PCDHGB5: variants seen among roughly 807,000 people sequenced by gnomAD.
The protein encoded by PCDHGB5 is protocadherin gamma subfamily B, 5, also known as protocadherin gamma-B5.
PCDHGB5 carries 48 observed loss-of-function variants against 62.9 expected under a neutral mutation model. The observed-to-expected ratio is 0.76, with a 90% CI of 0.61 to 0.97. The LOEUF (loss-of-function observed/expected upper bound fraction) is 0.97, where lower values mean the gene tolerates loss of function less well. Ranked by LOEUF, PCDHGB5 falls within the 50% of genes least tolerant of loss-of-function variation. The pLI is 0.00. For synonymous variants in PCDHGB5, 474 were observed against 511.2 expected, an observed-to-expected ratio of 0.93 and a Z score of 0.98; for missense variants, 1,118 against 1,198.6, an observed-to-expected ratio of 0.93 and a Z score of 0.99.
chr5:141,491,714 C>T lies in PCDHGB5; in HGVS notation c.2398-3093C>T, dbSNP rs1321811999. 2 of 1,608,744 alleles carry T rather than the reference C, an allele frequency of 1.2e-6. No individual in the cohort carries two copies. Among genetic ancestry groups the T allele is most frequent in the Non-Finnish European group, 1.7e-6 (2 of 1,177,916 alleles). The stretch of plus-strand genomic sequence containing the variant: ...GAGCGGAGCCAGGTGAGGGGCTCGG[C>T]GCCGCCCCGGGCGACCCCTGGGGGC... On this transcript the variant is annotated intron_variant, in intron 1 of 3. Coordinates refer to ENST00000617380, the MANE Select transcript of PCDHGB5 (RefSeq NM_018925.3). The surrounding 1 kb of genome is among the most constrained non-coding windows in gnomAD (Gnocchi z 6.9).
At chr5:141,441,831 C>T in intron 1 of PCDHGB5, 3 of 352,742 alleles carry the variant, frequency 8.5e-6, no homozygotes, top group South Asian at 7.2e-5. Context: ...AGCGCAATGG[C>T]TTCGCGCTCT....
rs765743251 is a variant in PCDHGB5 at position 141,476,488 on chromosome 5, G to A, written c.2398-18319G>A. ...TGGAGCTGTTCAGCGTGGAAGTGGTGATCCAGGACATCAACGACAACAATC... is the reference window on the plus strand; with the variant it reads ...TGGAGCTGTTCAGCGTGGAAGTGGTAATCCAGGACATCAACGACAACAATC... On this transcript the variant is annotated intron_variant, in intron 1 of 3. Coordinates refer to ENST00000617380, the MANE Select transcript of PCDHGB5 (RefSeq NM_018925.3). This position sits in a 1 kb window ranked among gnomAD's most constrained non-coding sequence, Gnocchi z 7.6. 4 of 1,613,932 alleles carry A rather than the reference G, an allele frequency of 2.5e-6. No homozygotes were observed. Among genetic ancestry groups the A allele is most frequent in the Non-Finnish European group, 3.4e-6 (4 of 1,180,016 alleles).
chr5:141,427,481 C>G, intron 1 of PCDHGB5: 2 of 534,060 alleles, frequency 3.7e-6, no homozygotes, highest in Non-Finnish European at 7.2e-6. Flanking sequence ...CCAATAATGA[C>G]TATAAGCTTG....
rs998564450 is a variant in PCDHGB5 at position 141,401,627 on chromosome 5, G to T, written c.2397+1103G>T. The stretch of plus-strand genomic sequence containing the variant: ...AAAAAGACACCGGATTTGTCTTATC[G>T]TTTGGAGCTTTAAATATAAATGACT... On this transcript the variant is annotated intron_variant, in intron 1 of 3. Coordinates refer to ENST00000617380, the MANE Select transcript of PCDHGB5 (RefSeq NM_018925.3). Among the ~76,000 whole-genome samples the T allele has an allele frequency of 2.6e-5, 4 of 152,294 alleles. No homozygotes were observed. In the South Asian group the frequency reaches 8.3e-4, roughly 32 times the overall value.
At chr5:141,423,750 T>TGGGG (rs144521096) in intron 1 of PCDHGB5, 28 of 288,222 alleles carry the variant, frequency 9.7e-5, no homozygotes, top group Non-Finnish European at 1.2e-4. Flanking sequence ...GAAAACTGTT[T>TGGGG]GGGGGGGGGG....
At chr5:141,440,912 G>A (rs1281398967) in intron 1 of PCDHGB5, 1 of 152,254 alleles carries the variant, frequency 6.6e-6, no homozygotes, top group African/African-American at 2.4e-5. Context: ...GGGCACTCCT[G>A]TGCTGAGAGT....
rs761126985 is a variant in PCDHGB5 at position 141,431,245 on chromosome 5, C to G, written c.2397+30721C>G. ...TACCCCACGCCTGGGATCCGGATAT[C>G]GGGAAGAACTCTCTGCAGAGCTACG... is the stretch of plus-strand genomic sequence containing the variant. On this transcript the variant is annotated intron_variant, in intron 1 of 3. Transcript: ENST00000617380. This position sits in a 1 kb window ranked among gnomAD's most constrained non-coding sequence, Gnocchi z 4.8. 1.2e-6 allele frequency: 2 copies of G among 1,614,016 alleles called. No homozygotes were observed. Among genetic ancestry groups the G allele is most frequent in the Non-Finnish European group, 1.7e-6 (2 of 1,180,046 alleles).
intron 2 of PCDHGB5, among the ~76,000 whole-genome samples, chr5:141,504,008 C>G (rs2099835164): frequency 6.6e-6 from 1 of 152,208 alleles, no homozygotes; most frequent in South Asian, 2.1e-4. Flanking sequence ...ACTTAACTGT[C>G]TCTGCTGGTC....
At chr5:141,405,186 G>T (rs762537440) in intron 1 of PCDHGB5, 2 of 1,612,892 alleles carry the variant, frequency 1.2e-6, no homozygotes, top group Non-Finnish European at 1.7e-6. Context: ...GGTGTAGATG[G>T]GGTTCGAGCT....
chr5:141,480,273 G>A (rs2099516030), intron 1 of PCDHGB5, among the ~76,000 whole-genome samples: 1 of 151,956 alleles, frequency 6.6e-6, no homozygotes, highest in Non-Finnish European at 1.5e-5. Flanking sequence ...TCATTAGCTG[G>A]GTGTGTTGGC....
At chr5:141,423,722 GT>G in intron 1 of PCDHGB5, 1 of 954,176 alleles carries the variant, frequency 1.0e-6, no homozygotes, top group Admixed American at 5.1e-5. Flanking sequence ...TTAAGGAGAT[GT>G]TTTTTGAGCC....
At chr5:141,403,551 T>G in intron 1 of PCDHGB5, 1 of 1,613,986 alleles carries the variant, frequency 6.2e-7, no homozygotes, top group Non-Finnish European at 8.5e-7. Context: ...GAGCGCGCCC[T>G]GGACAGGGAG....
intron 1 of PCDHGB5, among the ~76,000 whole-genome samples, chr5:141,453,076 G>A (rs2098755408): frequency 1.3e-5 from 2 of 151,984 alleles, no homozygotes; most frequent in Admixed American, 6.6e-5. Flanking sequence ...CCACACTCTG[G>A]TTGATTAGTA....
At chr5:141,403,225 C>T (rs2154532251) in intron 1 of PCDHGB5, 2 of 1,613,958 alleles carry the variant, frequency 1.2e-6, no homozygotes, top group Non-Finnish European at 1.7e-6. Flanking sequence ...GTAGGATAGA[C>T]CGGGAGGAGC....
chr5:141,491,368 A>G lies in PCDHGB5; in HGVS notation c.2398-3439A>G. ...CAGTCTCTTATCCCTAGTCACCTTC[A>G]CCTTTCTGTCAGCGAAGTGCCTTCA... On this transcript the variant is annotated intron_variant, in intron 1 of 3. Transcript: ENST00000617380. This position sits in a 1 kb window ranked among gnomAD's most constrained non-coding sequence, Gnocchi z 6.9. 6.2e-7 allele frequency: 1 copy of G among 1,613,842 alleles called. No homozygotes were observed. The highest frequency in any genetic ancestry group is 8.5e-7 in the Non-Finnish European group (1 of 1,179,940).
intron 1 of PCDHGB5, chr5:141,414,617 T>C: frequency 6.2e-7 from 1 of 1,614,002 alleles, no homozygotes; most frequent in Non-Finnish European, 8.5e-7. Flanking sequence ...GTGACAGCGC[T>C]GGACCCGGAC....
chr5:141,404,658 C>T, intron 1 of PCDHGB5: 2 of 1,614,198 alleles, frequency 1.2e-6, no homozygotes, highest in Non-Finnish European at 1.7e-6. Context: ...GCCCTCCCCA[C>T]TGATGGTTCT....
rs946798767 is a variant in PCDHGB5 at position 141,438,591 on chromosome 5, C to CATATAT, written c.2397+38107_2397+38112dup. Among the ~76,000 whole-genome samples the CATATAT allele has an allele frequency of 1.5e-3, 111 of 75,470 alleles. 1 individual carries two copies. Among genetic ancestry groups the CATATAT allele is most frequent in the Non-Finnish European group, 2.3e-3 (84 of 37,244 alleles). 49.5% of individuals were successfully genotyped at this position (75,470 alleles called of 152,430 possible). A position where few individuals can be genotyped will look rare whatever the true frequency, so the allele number is the denominator to read the frequency against. ...TCTGATATACATACATACATACATA[C>CATATAT]ATATATATATATATATATATATATA... On this transcript the variant is annotated intron_variant, in intron 1 of 3. Transcript: ENST00000617380.
Position 141,409,527 on chromosome 5 carries a change from T to A in PCDHGB5, c.2397+9003T>A. 1 of 1,613,970 alleles carries A rather than the reference T, an allele frequency of 6.2e-7. No homozygotes were observed. Among genetic ancestry groups the A allele is most frequent in the South Asian group, 1.1e-5 (1 of 91,084 alleles). ...TCCAGTAGAAGCATCACCTTGTATGTCGCTGACATCAACGACAACGCCCCA... is the reference window on the plus strand; with the variant it reads ...TCCAGTAGAAGCATCACCTTGTATGACGCTGACATCAACGACAACGCCCCA... On this transcript the variant is annotated intron_variant, in intron 1 of 3. Coordinates refer to ENST00000617380, the MANE Select transcript of PCDHGB5 (RefSeq NM_018925.3).
Sources: allele counts gnomAD v4.1 joint callset (sites outside exome capture counted in the v4.1 genomes callset), GRCh38; gene constraint gnomAD v4.1.1; non-coding constraint Gnocchi (gnomAD v3.1); transcripts MANE v1.5; gene names NCBI Gene and HGNC (gene_info 2026-07-23, HGNC 2026-07-21).